The following CPEB1 variants were observed in gnomAD, a reference collection of about 807,000 sequenced individuals.
The protein encoded by CPEB1 is cytoplasmic polyadenylation element-binding protein 1.
CPEB1 carries 7 observed loss-of-function variants against 65.8 expected under a neutral mutation model. That is an observed-to-expected ratio of 0.11 (90% CI 0.06 to 0.20). CPEB1 has a LOEUF of 0.20. Among genes scored for constraint, CPEB1 ranks in the 10% least tolerant of loss-of-function variants. The pLI, the probability that CPEB1 is intolerant of heterozygous loss-of-function variation, is 1.00. For synonymous variants in CPEB1, 262 were observed against 260.0 expected, an observed-to-expected ratio of 1.01 and a Z score of -0.08; for missense variants, 551 against 712.2, an observed-to-expected ratio of 0.77 and a Z score of 2.58.
At chr15:82,628,197 T>A in intron 2 of CPEB1, 167 bp downstream of exon 2, 2 of 702,378 alleles carry the variant, frequency 2.8e-6, no homozygotes, top group East Asian at 5.4e-5. Flanking sequence ...CCCAAAATAA[T>A]AAATTCCTGC....
chr15:82,640,501 G>A (rs1285169999), intron 1 of CPEB1, among the ~76,000 whole-genome samples: 1 of 151,952 alleles, frequency 6.6e-6, no homozygotes, highest in Non-Finnish European at 1.5e-5. Flanking sequence ...CCTTATACAT[G>A]TTGTTCCTTT....
At chr15:82,633,919 G>C (rs1742352702) in intron 1 of CPEB1, among the ~76,000 whole-genome samples, 2 of 151,456 alleles carry the variant, frequency 1.3e-5, no homozygotes. Context: ...CAAACACCAG[G>C]TCTACCACTT....
chr15:82,646,202 C>T (rs71412266), intron 1 of CPEB1, among the ~76,000 whole-genome samples: 9,186 of 152,274 alleles, frequency 0.06, 455 homozygotes, highest in South Asian at 0.23. Context: ...GCAAACTGTC[C>T]TTAGCAGACA....
At chr15:82,558,941 C>G (rs142417955) in intron 4 of CPEB1, among the ~76,000 whole-genome samples, 2 of 127,696 alleles carry the variant, frequency 1.6e-5, no homozygotes, top group African/African-American at 3.2e-5. Flanking sequence ...AGGAAAGAAG[C>G]CTTAATTTGA....
intron 1 of CPEB1, 76 bp from the exon 2 acceptor site, chr15:82,628,632 CAG>C (rs1194938794): frequency 7.4e-5 from 44 of 593,618 alleles, no homozygotes; most frequent in South Asian, 5.6e-4. Flanking sequence ...AAAAGTCAGA[CAG>C]AAATTATTTC....
chr15:82,548,889 C>T (rs1332168558), intron 10 of CPEB1: 5 of 301,110 alleles, frequency 1.7e-5, no homozygotes, highest in Admixed American at 4.6e-5. Flanking sequence ...CACCTCCATA[C>T]CTCATCATTG....
intron 3 of CPEB1, among the ~76,000 whole-genome samples, chr15:82,620,286 G>A (rs1013193268): frequency 6.6e-6 from 1 of 151,844 alleles, no homozygotes; most frequent in Non-Finnish European, 1.5e-5. Context: ...TTAGCCGGGT[G>A]TGGTGGCATG....
At chr15:82,647,865 C>T (rs1013460886), upstream of CPEB1, 13 of 1,267,470 alleles carry the variant, frequency 1.0e-5, no homozygotes, top group Non-Finnish European at 1.3e-5. Context: ...CCAGCGGGAA[C>T]GCCATGGGGC....
At chr15:82,626,865 G>T (rs2045823552) in intron 3 of CPEB1, among the ~76,000 whole-genome samples, 1 of 152,142 alleles carries the variant, frequency 6.6e-6, no homozygotes, top group Non-Finnish European at 1.5e-5. Context: ...AATTTCATCT[G>T]TATCTTAATT....
chr15:82,614,606 G>T (rs1018995989), intron 3 of CPEB1, among the ~76,000 whole-genome samples: 2 of 151,812 alleles, frequency 1.3e-5, no homozygotes, highest in African/African-American at 4.8e-5. Context: ...ACAAAATGAG[G>T]GCCTTTTTCA....
At chr15:82,564,266 A>G (rs1006630043) in intron 4 of CPEB1, among the ~76,000 whole-genome samples, 2 of 151,756 alleles carry the variant, frequency 1.3e-5, no homozygotes, top group Admixed American at 1.3e-4. Context: ...ATTTAAGGAC[A>G]CAATGGTTTT....
intron 3 of CPEB1, among the ~76,000 whole-genome samples, chr15:82,598,661 C>T (rs1392951335): frequency 1.3e-5 from 2 of 151,428 alleles, no homozygotes; most frequent in African/African-American, 4.9e-5. Context: ...GGTGGGTGCC[C>T]GTAATCCCAA....
At chr15:82,549,785 C>T in intron 9 of CPEB1, 127 bp from the exon 10 acceptor site, 1 of 869,814 alleles carries the variant, frequency 1.1e-6, no homozygotes, top group Non-Finnish European at 1.8e-6. Flanking sequence ...TGAAAAGGTG[C>T]TGTTGCCCAA....
intron 3 of CPEB1, among the ~76,000 whole-genome samples, chr15:82,582,037 G>A (rs1042161990): frequency 6.6e-6 from 1 of 152,182 alleles, no homozygotes; most frequent in African/African-American, 2.4e-5. Flanking sequence ...TGATGCCAAA[G>A]GATGTGAGCA....
intron 3 of CPEB1, among the ~76,000 whole-genome samples, chr15:82,622,147 TA>T (rs946161670): frequency 7.9e-5 from 12 of 152,232 alleles, no homozygotes; most frequent in Admixed American, 1.3e-4. Flanking sequence ...CTTAAAGGAC[TA>T]GGGAATGTGG....
At chr15:82,575,688 G>A (rs2040576194) in intron 3 of CPEB1, among the ~76,000 whole-genome samples, 1 of 152,002 alleles carries the variant, frequency 6.6e-6, no homozygotes, top group South Asian at 2.1e-4. Flanking sequence ...TTCAAAAAGT[G>A]CTCAAAATCA....
intron 10 of CPEB1, among the ~76,000 whole-genome samples, chr15:82,548,195 C>T (rs557730659): frequency 2.6e-5 from 4 of 152,016 alleles, no homozygotes; most frequent in African/African-American, 9.6e-5. Context: ...ATTAGCTGAG[C>T]GTGGTGGCGC....
At chr15:82,574,023 GAAAGACCCCAGGCCTGAGCAACA>G (rs1567193707) in intron 3 of CPEB1, among the ~76,000 whole-genome samples, 2 of 152,038 alleles carry the variant, frequency 1.3e-5, no homozygotes, top group Admixed American at 1.3e-4. Context: ...ACCCCAAGCT[GAAAGACCCCAGGCCTGAGCAACA>G]GGTCTGTTAA....
At chr15:82,596,388 A>G (rs1009989847) in intron 3 of CPEB1, among the ~76,000 whole-genome samples, 3 of 152,204 alleles carry the variant, frequency 2.0e-5, no homozygotes, top group African/African-American at 7.2e-5. Flanking sequence ...TTTGGAAAAC[A>G]TATGTACTAA....
Sources: gnomAD v4.1 joint callset for allele counts (sites outside exome capture counted in the v4.1 genomes callset) on GRCh38, gnomAD v4.1.1 for gene constraint, MANE v1.5 for transcripts, NCBI Gene and HGNC (gene_info 2026-07-23, HGNC 2026-07-21) for gene names.